Variants in TASP1 observed in about 807,000 individuals in gnomAD.
The protein encoded by TASP1 is threonine aspartase 1.
TASP1 carries 16 observed loss-of-function variants against 56.6 expected under a neutral mutation model. That is an observed-to-expected ratio of 0.28 (90% CI 0.19 to 0.43). The LOEUF is 0.43. TASP1 is among the 20% of genes least tolerant of loss of function. The probability of loss-of-function intolerance (pLI) is 1.00; values close to 1 mark genes in which losing one functional copy is unlikely to be tolerated. For missense variants in TASP1, 393 were observed against 511.6 expected (o/e 0.77, Z 2.24); for synonymous variants, 179 against 184.2 (o/e 0.97, Z 0.23).
the TASP1 span, among the ~76,000 whole-genome samples, chr20:13,122,351 C>T: frequency 6.6e-6 from 1 of 152,220 alleles, no homozygotes; most frequent in African/African-American, 2.4e-5. Context: ...AACTCCCCAC[C>T]TGCTCCAAAA....
chr20:13,168,807 G>C, the TASP1 span: 2 of 152,160 alleles, frequency 1.3e-5, no homozygotes, highest in Non-Finnish European at 2.9e-5. Flanking sequence ...TCTCAAAACA[G>C]TAAGAACAAT....
chr20:13,497,434 T>G (rs2043774385), intron 10 of TASP1, among the ~76,000 whole-genome samples: 1 of 152,086 alleles, frequency 6.6e-6, no homozygotes, highest in African/African-American at 2.4e-5. Flanking sequence ...TGGGTGAAAG[T>G]AAAAATATCC....
intron 10 of TASP1, among the ~76,000 whole-genome samples, chr20:13,487,585 T>A (rs1217388872): frequency 1.3e-5 from 2 of 152,100 alleles, no homozygotes; most frequent in African/African-American, 4.8e-5. Flanking sequence ...TTGCTGAGAA[T>A]TCAGCATGTC....
the TASP1 span, chr20:13,244,232 T>C: frequency 2.0e-5 from 3 of 152,092 alleles, no homozygotes; most frequent in African/African-American, 7.2e-5. Context: ...AAACTAAAAG[T>C]CTACAAGAGC....
intron 11 of TASP1, among the ~76,000 whole-genome samples, chr20:13,452,212 A>G (rs2043647063): frequency 6.6e-6 from 1 of 152,106 alleles, no homozygotes; most frequent in African/African-American, 2.4e-5. Flanking sequence ...CAAAGTGAGC[A>G]TACACTGTTG....
Position 13,392,944 on chromosome 20 carries a change from G to T in TASP1, c.1171-2492C>A, listed in dbSNP as rs1365784038. 5 of 616,184 alleles carry T rather than the reference G, an allele frequency of 8.1e-6. No homozygotes were observed. The Admixed American group carries it at 9.2e-5, about 11-fold the overall frequency. The allele number at this position is 616,184 out of a possible 1,614,324, so 38.2% of individuals were successfully genotyped here. On this transcript the variant is annotated intron_variant, in intron 13 of 13. Transcript: ENST00000337743. ...CACCAAAATCAAATGGGGCCATGCT[G>T]GTGCTGAGTACATTATGGAGCCCAC...
intron 4 of TASP1, among the ~76,000 whole-genome samples, chr20:13,593,340 T>C (rs1352196312): frequency 6.6e-6 from 1 of 152,146 alleles, no homozygotes; most frequent in Non-Finnish European, 1.5e-5. Flanking sequence ...ACCTGGTTCA[T>C]CTCACTGGGA....
the TASP1 span, among the ~76,000 whole-genome samples, chr20:13,256,379 GAGTGAGACCCCGTCTCAAAA>G: frequency 7.6e-6 from 1 of 130,856 alleles, no homozygotes; most frequent in Non-Finnish European, 1.5e-5. Context: ...CTGGGCAACA[GAGTGAGACCCCGTCTCAAAA>G]AAAAAAAAAA....
chr20:13,116,158 G>A, the TASP1 span, among the ~76,000 whole-genome samples: 3 of 151,746 alleles, frequency 2.0e-5, no homozygotes, highest in Non-Finnish European at 4.4e-5. Context: ...GTTGGTCTGG[G>A]TGACTGTGCA....
intron 10 of TASP1, among the ~76,000 whole-genome samples, chr20:13,501,736 T>C (rs1024871899): frequency 1.3e-5 from 2 of 151,998 alleles, no homozygotes; most frequent in Non-Finnish European, 2.9e-5. Flanking sequence ...TAGAATAATC[T>C]TTTTATTAAT....
intron 13 of TASP1, among the ~76,000 whole-genome samples, chr20:13,396,230 T>C (rs765696646): frequency 2.0e-5 from 3 of 152,204 alleles, no homozygotes; most frequent in Non-Finnish European, 4.4e-5. Flanking sequence ...AGAGCTGTCT[T>C]TCAAAAAGAC....
At chr20:13,307,157 T>G in the TASP1 span, among the ~76,000 whole-genome samples, 1 of 152,226 alleles carries the variant, frequency 6.6e-6, no homozygotes, top group Non-Finnish European at 1.5e-5. Context: ...CTCTTCACTA[T>G]GTCTACACAG....
At chr20:13,159,852 T>C in the TASP1 span, 2 of 1,092,748 alleles carry the variant, frequency 1.8e-6, no homozygotes, top group Admixed American at 5.9e-5. Flanking sequence ...TTGACAGAAG[T>C]TTAAAAACTT....
the TASP1 span, among the ~76,000 whole-genome samples, chr20:13,113,417 T>A: frequency 8.2e-4 from 125 of 152,086 alleles, 1 homozygote; most frequent in Non-Finnish European, 1.6e-3. Flanking sequence ...AGAGCCCACA[T>A]ACATCAATTT....
chr20:13,241,373 G>A, the TASP1 span, among the ~76,000 whole-genome samples: 2 of 152,210 alleles, frequency 1.3e-5, no homozygotes, highest in Admixed American at 6.5e-5. Flanking sequence ...AGATACCAGG[G>A]CATCTGTGAG....
chr20:13,574,584 C>G (rs940947971), intron 6 of TASP1, among the ~76,000 whole-genome samples: 1 of 152,060 alleles, frequency 6.6e-6, no homozygotes, highest in African/African-American at 2.4e-5. Flanking sequence ...TTCATATGTT[C>G]AGGAAGCTAG....
intron 8 of TASP1, among the ~76,000 whole-genome samples, chr20:13,541,417 A>T (rs957306792): frequency 1.6e-4 from 24 of 152,334 alleles, no homozygotes; most frequent in Non-Finnish European, 3.4e-4. Context: ...GTTCACTGCC[A>T]GGAGGACTGC....
the TASP1 span, among the ~76,000 whole-genome samples, chr20:13,202,286 G>A: frequency 1.2e-4 from 18 of 152,180 alleles, no homozygotes; most frequent in African/African-American, 1.9e-4. Context: ...GGAAAGCAAC[G>A]TACAGAAGCA....
intron 11 of TASP1, among the ~76,000 whole-genome samples, chr20:13,470,181 C>G (rs6105108): frequency 0.059 from 8,910 of 152,040 alleles, 369 homozygotes; most frequent in African/African-American, 0.12. Context: ...ATTCTTCAAC[C>G]TCCTGACATT....
Sources: allele counts gnomAD v4.1 joint callset (sites outside exome capture counted in the v4.1 genomes callset), GRCh38; gene constraint gnomAD v4.1.1; transcripts MANE v1.5; gene names NCBI Gene and HGNC (gene_info 2026-07-23, HGNC 2026-07-21).